ZNF738: variants seen among roughly 807,000 people sequenced by gnomAD.
ZNF738 encodes zinc finger protein 738.
ZNF738 carries 10 observed loss-of-function variants against 9.2 expected under a neutral mutation model. The ratio of observed to expected loss-of-function variants is 1.09; its 90% CI spans 0.67 to 1.85. ZNF738 has a LOEUF of 1.85. Ranked by LOEUF, ZNF738 falls within the 40% of genes most tolerant of loss-of-function variation. The pLI, the probability that ZNF738 is intolerant of heterozygous loss-of-function variation, is 0.00. For synonymous variants in ZNF738, 113 were observed against 94.5 expected (o/e 1.20, Z -1.14); for missense variants, 346 against 283.6 (o/e 1.22, Z -1.58).
At chr19:21,360,994 A>G (rs532630835) in intron 1 of ZNF738, among the ~76,000 whole-genome samples, 4 of 149,720 alleles carry the variant, frequency 2.7e-5, no homozygotes, top group African/African-American at 7.4e-5. Flanking sequence ...TTGTATTTTT[A>G]GAAGAGATAG....
intron 4 of ZNF738, chr19:21,377,512 G>A (rs1568370101): frequency 1.5e-5 from 8 of 546,736 alleles, no homozygotes; most frequent in East Asian, 3.2e-5. Flanking sequence ...ACACAGACGT[G>A]CACACACACA....
At chr19:21,367,035 A>T (rs1243021598) in intron 2 of ZNF738, among the ~76,000 whole-genome samples, 1 of 152,198 alleles carries the variant, frequency 6.6e-6, no homozygotes, top group African/African-American at 2.4e-5. Flanking sequence ...GATGCTGTGT[A>T]CCTCTGACAG....
At chr19:21,380,577 G>T (rs576963672) in intron 4 of ZNF738, among the ~76,000 whole-genome samples, 1 of 152,314 alleles carries the variant, frequency 6.6e-6, no homozygotes, top group South Asian at 2.1e-4. Flanking sequence ...CTCTGAGCAG[G>T]CACATAAGGT....
chr19:21,370,302 T>C (rs529136108), intron 2 of ZNF738, among the ~76,000 whole-genome samples: 1 of 152,372 alleles, frequency 6.6e-6, no homozygotes, highest in Admixed American at 6.5e-5. Context: ...ATTTTGTTGA[T>C]ATTTTCATCA....
rs982105185 is a variant in ZNF738, at chr19:21,387,761, A to G, written c.*4087A>G. Among the ~76,000 whole-genome samples, 18 of 152,228 alleles carry G rather than the reference A, an allele frequency of 1.2e-4. No individual in the cohort carries two copies. Among genetic ancestry groups the G allele is most frequent in the African/African-American group, 3.9e-4 (16 of 41,462 alleles). ...GTGAAGAAGAGAATTTATATTGAAGATGGACATTACAAACATAAAGAGGGT... is the reference window on the plus strand; with the variant it reads ...GTGAAGAAGAGAATTTATATTGAAGGTGGACATTACAAACATAAAGAGGGT... On this transcript the variant is annotated 3_prime_UTR_variant, in exon 5 of 5. Coordinates refer to ENST00000683779, the MANE Select transcript of ZNF738 (RefSeq NM_001355237.2).
Position 21,383,193 on chromosome 19 carries a change from T to C in ZNF738, c.647T>C (p.Leu216Pro). 1.2e-6 allele frequency: 2 copies of C among 1,600,856 alleles called. No individual in the cohort carries two copies. The highest frequency in any genetic ancestry group is 1.1e-5 in the South Asian group (1 of 90,754). Reference sequence around the variant, plus strand: ...AAATGTGGCAAATCATTTTGCATGCTTTTACACCTAGGTCAACATAAAATA... The same window carrying C: ...AAATGTGGCAAATCATTTTGCATGCCTTTACACCTAGGTCAACATAAAATA... ...CKKCGKSFCM[L>P]LHLGQHKIIH... is the part of the protein sequence containing the mutation. Residue 216 changes from leucine to proline, a missense_variant, in exon 5 of 5, where the codon CTT (leucine) becomes CCT (proline). Leu to Pro is a moderately conservative substitution (Grantham distance 98). Transcript: ENST00000683779.
chr19:21,359,081 G>A lies in ZNF738; in HGVS notation c.-60G>A, dbSNP rs190244793. ...TCCTAGAGGCCCAGCCTCTGGTCCT[G>A]TGACCTGCAGGTATTGGGAATCCAC... On this transcript the variant is annotated 5_prime_UTR_variant, in exon 1 of 5. It adds an upstream start codon to the 5' untranslated region. Coordinates refer to ENST00000683779, the MANE Select transcript of ZNF738 (RefSeq NM_001355237.2). 1,593 of 974,574 alleles carry A rather than the reference G, an allele frequency of 1.6e-3. 3 individuals are homozygous for A. Among genetic ancestry groups the A allele is most frequent in the Non-Finnish European group, 2.2e-3 (1,337 of 599,834 alleles). 60.4% of individuals were successfully genotyped at this position (974,574 alleles called of 1,614,324 possible).
In ZNF738 at chr19:21,383,745, A is replaced by C; in HGVS notation, c.*71A>C. ...ATAATTCATACTGAAGAGAAACCCTACAAATGTGAGGAATGTGGCAAAGCT... is the reference window on the plus strand; with the variant it reads ...ATAATTCATACTGAAGAGAAACCCTCCAAATGTGAGGAATGTGGCAAAGCT... On this transcript the variant is annotated 3_prime_UTR_variant, in exon 5 of 5. Coordinates refer to ENST00000683779, the MANE Select transcript of ZNF738 (RefSeq NM_001355237.2). 1 of 1,112,520 alleles carries C rather than the reference A, an allele frequency of 9.0e-7. No homozygotes were observed. The allele number at this position is 1,112,520 out of a possible 1,614,324, so 68.9% of individuals were successfully genotyped here. A position where few individuals can be genotyped will look rare whatever the true frequency, so the allele number is the denominator to read the frequency against.
At chr19:21,362,415 T>C (rs978502332) in intron 2 of ZNF738, among the ~76,000 whole-genome samples, 1 of 152,150 alleles carries the variant, frequency 6.6e-6, no homozygotes. Context: ...AAAATGCACC[T>C]AGGGCAGTCA....
rs993203127 is a variant in ZNF738, at chr19:21,386,726, T to C, written c.*3052T>C. On this transcript the variant is annotated 3_prime_UTR_variant, in exon 5 of 5. Coordinates refer to ENST00000683779, the MANE Select transcript of ZNF738 (RefSeq NM_001355237.2). ...AGTTCTCAGTTATTATTATTATTTT[T>C]AGAGATGGAGTTTCACTCTTGTTGC... 2 of 179,800 alleles carry C rather than the reference T, an allele frequency of 1.1e-5. No individual in the cohort carries two copies. Among genetic ancestry groups the C allele is most frequent in the African/African-American group, 4.8e-5 (2 of 41,866 alleles). 11.1% of individuals were successfully genotyped at this position (179,800 alleles called of 1,614,324 possible). A position where few individuals can be genotyped will look rare whatever the true frequency, so the allele number is the denominator to read the frequency against.
chr19:21,366,918 A>G (rs1486945607), intron 2 of ZNF738, among the ~76,000 whole-genome samples: 1 of 152,086 alleles, frequency 6.6e-6, no homozygotes, highest in African/African-American at 2.4e-5. Flanking sequence ...TGTGACCTGT[A>G]TCTTGTGCTG....
In ZNF738 at chr19:21,385,565, C is replaced by G. The variant is rs1193683377; in HGVS notation, c.*1891C>G. ...CTTAACCAGTCCTCACACCTTACTG[C>G]ACATAAGAGAAATCATACTGGAAGG... On this transcript the variant is annotated 3_prime_UTR_variant, in exon 5 of 5. Transcript: ENST00000683779. Among the ~76,000 whole-genome samples the G allele has an allele frequency of 6.6e-6, 1 of 151,976 alleles. No individual in the cohort carries two copies. Among genetic ancestry groups the G allele is most frequent in the Non-Finnish European group, 1.5e-5 (1 of 67,974 alleles).
At chr19:21,360,019 A>G (rs1973661309) in intron 1 of ZNF738, among the ~76,000 whole-genome samples, 1 of 152,204 alleles carries the variant, frequency 6.6e-6, no homozygotes. Context: ...AAGAAAACCA[A>G]ATTTAGTAAT....
At position 21,383,600 on chromosome 19, in the gene ZNF738, G is replaced by A. The variant is rs531118894; in HGVS notation, c.1054G>A (p.Ala352Thr). The A allele has an allele frequency of 9.9e-6, 10 of 1,006,284 alleles. No homozygotes were observed. In the East Asian group the frequency reaches 2.7e-4, roughly 27 times the overall value. The allele number at this position is 1,006,284 out of a possible 1,614,324, so 62.3% of individuals were successfully genotyped here. ...CTACAAATGTGAGGAATGTGGCAAA[G>A]CTTTTAATTGGTACTCACACCTTAC... ...KPYKCEECGK[A>T]FNWYSHLTRH... Residue 352 changes from alanine (A) to threonine (T), a missense_variant, in exon 5 of 5, where the codon GCT (alanine) becomes ACT (threonine). Coordinates refer to ENST00000683779, the MANE Select transcript of ZNF738 (RefSeq NM_001355237.2).
chr19:21,373,734 C>A (rs1368016009), intron 2 of ZNF738, among the ~76,000 whole-genome samples: 1 of 149,820 alleles, frequency 6.7e-6, no homozygotes, highest in East Asian at 2.0e-4. Flanking sequence ...CAGAGAATGT[C>A]ATCTGAAAAG....
intron 1 of ZNF738, 37 bp from the exon 2 acceptor site, chr19:21,361,729 T>C (rs751067702): frequency 3.9e-6 from 3 of 777,900 alleles, no homozygotes; most frequent in East Asian, 2.4e-5. Context: ...CTAGAGTGTC[T>C]AGTGGATATC....
chr19:21,380,425 C>T (rs1197683282), intron 4 of ZNF738, among the ~76,000 whole-genome samples: 4 of 152,148 alleles, frequency 2.6e-5, no homozygotes, highest in Non-Finnish European at 5.9e-5. Flanking sequence ...CCACTCTCCC[C>T]TGGCCTGTGG....
In ZNF738 at chr19:21,382,909, C is replaced by T. The variant is rs570403062; in HGVS notation, c.363C>T (p.Gly121=). 4.5e-5 allele frequency: 24 copies of T among 537,592 alleles called. No homozygotes were observed. The highest frequency in any genetic ancestry group is 8.5e-5 in the Non-Finnish European group (24 of 282,840). The allele number at this position is 537,592 out of a possible 1,614,324, so 33.3% of individuals were successfully genotyped here. A position where few individuals can be genotyped will look rare whatever the true frequency, so the allele number is the denominator to read the frequency against. Residue 121 remains glycine (G), a synonymous_variant, in exon 5 of 5, where the codon GGC becomes GGT. Transcript: ENST00000683779. ...HFAQDLWPQP[G]IKDSFQKVIL... is the part of the protein sequence containing the mutation. The stretch of plus-strand genomic sequence containing the variant: ...CCCAGGACCTTTGGCCACAGCCGGG[C>T]ATAAAAGATTCTTTCCAAAAAGTGA...
Position 21,383,806 on chromosome 19 carries a change from T to G in ZNF738, c.*132T>G. ...CCTCAAACCTTACTACTCATGAAAA[T>G]TCATTCTGGAGAGAAACCCTACAAA... is the stretch of plus-strand genomic sequence containing the variant. On this transcript the variant is annotated 3_prime_UTR_variant, in exon 5 of 5. Transcript: ENST00000683779. The G allele has an allele frequency of 8.1e-7, 1 of 1,240,198 alleles. No homozygotes were observed. Among genetic ancestry groups the G allele is most frequent in the South Asian group, 1.2e-5 (1 of 83,772 alleles). The allele number at this position is 1,240,198 out of a possible 1,614,324, so 76.8% of individuals were successfully genotyped here.
Sources: allele counts gnomAD v4.1 joint callset (sites outside exome capture counted in the v4.1 genomes callset), GRCh38; gene constraint gnomAD v4.1.1; transcripts MANE v1.5; gene names NCBI Gene and HGNC (gene_info 2026-07-23, HGNC 2026-07-21).